The following BORCS5 variants were observed in gnomAD, a reference collection of about 807,000 sequenced individuals.
BORCS5 encodes BLOC-1 related complex subunit 5.
A neutral mutation model predicts 22.1 loss-of-function variants in BORCS5; 17 were observed. The observed-to-expected ratio is 0.77, with a 90% CI of 0.53 to 1.15. The LOEUF is 1.15. BORCS5 is among the 50% of genes most tolerant of loss of function. The probability of loss-of-function intolerance (pLI) is 0.00; values close to 1 mark genes in which losing one functional copy is unlikely to be tolerated. For missense variants in BORCS5, 247 were observed against 253.2 expected, an observed-to-expected ratio of 0.98 and a Z score of 0.17; for synonymous variants, 117 against 99.8, an observed-to-expected ratio of 1.17 and a Z score of -1.03.
chr12:12,364,924 A>G (rs1863372637), intron 2 of BORCS5, among the ~76,000 whole-genome samples: 1 of 152,186 alleles, frequency 6.6e-6, no homozygotes, highest in South Asian at 2.1e-4. Flanking sequence ...CCAAGATTGC[A>G]TCACTGCACT....
intron 2 of BORCS5, among the ~76,000 whole-genome samples, chr12:12,364,895 A>T (rs2136019576): frequency 6.6e-6 from 1 of 152,302 alleles, no homozygotes; most frequent in South Asian, 2.1e-4. Flanking sequence ...TGAGCCCTAG[A>T]GGTGGAGGTT....
chr12:12,400,640 T>G (rs1941449270), intron 2 of BORCS5, among the ~76,000 whole-genome samples: 1 of 151,692 alleles, frequency 6.6e-6, no homozygotes, highest in Non-Finnish European at 1.5e-5. Context: ...ATTTGTCATA[T>G]TTTAATATTT....
intron 2 of BORCS5, among the ~76,000 whole-genome samples, chr12:12,403,810 G>A (rs144142692): frequency 2.4e-4 from 37 of 152,294 alleles, no homozygotes; most frequent in African/African-American, 8.2e-4. Flanking sequence ...AGAGAACCAA[G>A]GAGTGGACTT....
At chr12:12,406,738 A>G (rs1420533720) in intron 2 of BORCS5, among the ~76,000 whole-genome samples, 1 of 152,152 alleles carries the variant, frequency 6.6e-6, no homozygotes, top group Non-Finnish European at 1.5e-5. Flanking sequence ...TGCGCCTTGC[A>G]AAGCCTACAT....
At chr12:12,363,080 G>C (rs547322158) in intron 2 of BORCS5, among the ~76,000 whole-genome samples, 4 of 152,134 alleles carry the variant, frequency 2.6e-5, no homozygotes, top group African/African-American at 9.6e-5. Context: ...AGGATCACTT[G>C]AGTCCAACAG....
chr12:12,407,296 G>T (rs753348657), intron 2 of BORCS5, among the ~76,000 whole-genome samples: 1 of 151,760 alleles, frequency 6.6e-6, no homozygotes, highest in Non-Finnish European at 1.5e-5. Flanking sequence ...AAGAAAACCT[G>T]GTTCAATTCT....
chr12:12,383,865 A>C (rs1372090136), intron 2 of BORCS5, among the ~76,000 whole-genome samples: 1 of 150,910 alleles, frequency 6.6e-6, no homozygotes, highest in Admixed American at 6.6e-5. Flanking sequence ...TTTTCATCAG[A>C]TTTGGTAAGT....
chr12:12,372,565 T>C (rs1490196504), intron 2 of BORCS5, among the ~76,000 whole-genome samples: 3 of 152,174 alleles, frequency 2.0e-5, no homozygotes, highest in Non-Finnish European at 4.4e-5. Flanking sequence ...CATATACATA[T>C]GGTTAAGTTA....
rs1312137579 is a variant in BORCS5 at position 12,387,267 on chromosome 12, G to A, written c.202+25918G>A. 3.3e-5 allele frequency among the ~76,000 whole-genome samples: 5 copies of A among 151,276 alleles called. 1 individual carries two copies. The highest frequency in any genetic ancestry group is 2.1e-4 in the South Asian group (1 of 4,776). Reference sequence around the variant, plus strand: ...TATCCATTTGCCAGCTGAAGGAATCGGGGTTGTTTCCAGTATTTGGTGATT... The same window carrying A: ...TATCCATTTGCCAGCTGAAGGAATCAGGGTTGTTTCCAGTATTTGGTGATT... On this transcript the variant is annotated intron_variant, in intron 2 of 3. Coordinates refer to ENST00000314565, the MANE Select transcript of BORCS5 (RefSeq NM_058169.6).
chr12:12,457,219 A>G (rs1165801320), intron 3 of BORCS5, among the ~76,000 whole-genome samples: 1 of 152,182 alleles, frequency 6.6e-6, no homozygotes, highest in Non-Finnish European at 1.5e-5. Context: ...AATTTCACCA[A>G]TTTTAGGGGA....
At chr12:12,423,309 T>A (rs182500372) in intron 2 of BORCS5, among the ~76,000 whole-genome samples, 205 of 152,196 alleles carry the variant, frequency 1.3e-3, no homozygotes, top group African/African-American at 4.8e-3. Context: ...TTTTATAATT[T>A]GCCATATATT....
At chr12:12,430,700 C>A (rs1259245275) in intron 2 of BORCS5, among the ~76,000 whole-genome samples, 1 of 151,944 alleles carries the variant, frequency 6.6e-6, no homozygotes. Context: ...ATGAAATTCC[C>A]CCTCTTTACC....
At chr12:12,418,099 C>T (rs1378466529) in intron 2 of BORCS5, among the ~76,000 whole-genome samples, 1 of 151,516 alleles carries the variant, frequency 6.6e-6, no homozygotes, top group Admixed American at 6.6e-5. Context: ...TCTCAGCTCA[C>T]TGCAAGGTCT....
At chr12:12,435,259 C>T (rs1490810614) in intron 2 of BORCS5, among the ~76,000 whole-genome samples, 1 of 152,006 alleles carries the variant, frequency 6.6e-6, no homozygotes, top group East Asian at 1.9e-4. Context: ...TTCCTAGTAC[C>T]TTGAAGTGAT....
At chr12:12,362,841 G>A (rs186969898) in intron 2 of BORCS5, among the ~76,000 whole-genome samples, 4 of 151,234 alleles carry the variant, frequency 2.6e-5, no homozygotes, top group African/African-American at 9.7e-5. Flanking sequence ...AGTTGAGATG[G>A]GGTTTCACCA....
At chr12:12,459,557 G>A (rs935108896) in intron 3 of BORCS5, among the ~76,000 whole-genome samples, 4 of 152,088 alleles carry the variant, frequency 2.6e-5, no homozygotes, top group African/African-American at 7.2e-5. Context: ...TGATCCACCC[G>A]TCTCAGCCTC....
chr12:12,361,186 C>T lies in BORCS5; in HGVS notation c.59-20C>T, dbSNP rs1309823192. The T allele has an allele frequency of 1.2e-6, 2 of 1,611,910 alleles. No individual in the cohort carries two copies. The highest frequency in any genetic ancestry group is 1.3e-5 in the African/African-American group (1 of 74,996). ...AGATGCCTAATATGCATCTCCTAAG[C>T]AGTGTAACTTTATTTTCAGTGACTC... On this transcript the variant is annotated intron_variant, in intron 1 of 3. Transcript: ENST00000314565.
chr12:12,467,314 T>G lies in BORCS5; in HGVS notation c.*1538T>G, dbSNP rs368891899. 26 of 152,322 alleles carry G rather than the reference T, an allele frequency of 1.7e-4. No individual in the cohort carries two copies. The highest frequency in any genetic ancestry group is 6.0e-4 in the African/African-American group (25 of 41,574). 9.4% of individuals were successfully genotyped at this position (152,322 alleles called of 1,614,324 possible). On this transcript the variant is annotated 3_prime_UTR_variant, in exon 4 of 4. Transcript: ENST00000314565. ...TACAGAGCTACAAAAATAGCTTAGGTGCCATTATCCTCACTGCACTTAATA... is the reference window on the plus strand; with the variant it reads ...TACAGAGCTACAAAAATAGCTTAGGGGCCATTATCCTCACTGCACTTAATA...
Position 12,361,244 on chromosome 12 carries a change from G to T in BORCS5, c.97G>T (p.Asp33Tyr). The T allele has an allele frequency of 6.2e-7, 1 of 1,614,164 alleles. No individual in the cohort carries two copies. The change falls in exon 2 of 4, where the codon GAT (aspartate) becomes TAT (tyrosine). Residue 33 changes from aspartate (D) to tyrosine (Y), a missense_variant. By Grantham distance (160) the Asp-to-Tyr change is radical. Coordinates refer to ENST00000314565, the MANE Select transcript of BORCS5 (RefSeq NM_058169.6). ...AGCCAAGCATAGAGCCAAGATGGATGATATTGTGGTTGTAGCTCAGGGCTC... is the reference window on the plus strand; with the variant it reads ...AGCCAAGCATAGAGCCAAGATGGATTATATTGTGGTTGTAGCTCAGGGCTC... ...SPAKHRAKMD[D>Y]IVVVAQGSQA...
Sources: allele counts gnomAD v4.1 joint callset (sites outside exome capture counted in the v4.1 genomes callset), GRCh38; gene constraint gnomAD v4.1.1; transcripts MANE v1.5; gene names NCBI Gene and HGNC (gene_info 2026-07-23, HGNC 2026-07-21).